NLRP2: variants seen among roughly 807,000 people sequenced by gnomAD.
The protein encoded by NLRP2 is NLR family pyrin domain containing 2.
NLRP2 carries 107 observed loss-of-function variants against 97.2 expected under a neutral mutation model. The ratio of observed to expected loss-of-function variants is 1.10; its 90% confidence interval spans 0.94 to 1.29. NLRP2 has a LOEUF of 1.29. NLRP2 is among the 50% of genes most tolerant of loss of function. NLRP2 has a pLI of 0.00. For missense variants in NLRP2, 1,495 were observed against 1,330.3 expected, an observed-to-expected ratio of 1.12 and a Z score of -1.93; for synonymous variants, 663 against 551.5, an observed-to-expected ratio of 1.20 and a Z score of -2.83.
intron 3 of NLRP2, among the ~76,000 whole-genome samples, chr19:54,974,869 G>A (rs564485711): frequency 5.0e-4 from 76 of 152,136 alleles, no homozygotes; most frequent in African/African-American, 1.8e-3. Flanking sequence ...GTACGACCTC[G>A]GCTGACTGCA....
chr19:54,989,722 G>A (rs890462939), intron 8 of NLRP2: 25 of 506,676 alleles, frequency 4.9e-5, no homozygotes, highest in Non-Finnish European at 7.9e-5. Flanking sequence ...GGTGGCTCAC[G>A]CCTGTCATCC....
chr19:54,975,633 T>C (rs1246092804), intron 3 of NLRP2, among the ~76,000 whole-genome samples: 1 of 151,366 alleles, frequency 6.6e-6, no homozygotes, highest in Admixed American at 6.6e-5. Context: ...TTTGTGTTTT[T>C]AGTAGAGACG....
chr19:54,974,337 A>T, intron 2 of NLRP2, 163 bp from the exon 3 acceptor site: 1 of 694,932 alleles, frequency 1.4e-6, no homozygotes, highest in Non-Finnish European at 2.6e-6. Flanking sequence ...CAACAGAGTG[A>T]CACTCTGTCT....
intron 12 of NLRP2, among the ~76,000 whole-genome samples, chr19:54,998,540 T>C (rs1218131506): frequency 5.3e-5 from 8 of 149,874 alleles, no homozygotes; most frequent in African/African-American, 2.0e-4. Flanking sequence ...AAGCTTTAAG[T>C]TTGTTTGTTT....
At chr19:54,981,767 C>T in intron 5 of NLRP2, 85 bp downstream of exon 5, 1 of 851,268 alleles carries the variant, frequency 1.2e-6, no homozygotes. Flanking sequence ...CTATGTAACA[C>T]AAAGCATTTA....
intron 8 of NLRP2, chr19:54,989,471 C>T (rs920922766): frequency 1.1e-5 from 2 of 173,948 alleles, no homozygotes; most frequent in African/African-American, 4.8e-5. Context: ...AAATAACTCC[C>T]TTTCAAAAAA....
chr19:54,977,792 A>C lies in NLRP2; in HGVS notation c.366A>C (p.Glu122Asp), dbSNP rs753829412. 5.0e-6 allele frequency: 8 copies of C among 1,613,728 alleles called. No homozygotes were observed. The Admixed American group carries it at 1.0e-4, about 20-fold the overall frequency. ...RKERPPLDVD[E>D]MLERFKTEAQ... ...AACGACCACCTCTAGACGTGGACGAAATGCTGGAGCGCTTCAAAACAGAAG... is the reference window on the plus strand; with the variant it reads ...AACGACCACCTCTAGACGTGGACGACATGCTGGAGCGCTTCAAAACAGAAG... The change falls in exon 4 of 13, where the codon GAA becomes GAC. Residue 122 changes from glutamate to aspartate, a missense_variant. Transcript: ENST00000448584.
chr19:54,973,724 C>A, intron 2 of NLRP2: 1 of 430,214 alleles, frequency 2.3e-6, no homozygotes. Flanking sequence ...TTGAAAACGG[C>A]AGGAGGAAAC....
Position 54,983,743 on chromosome 19 carries a change from A to G in NLRP2, c.2030+15A>G, listed in dbSNP as rs1435475770. 3.1e-6 allele frequency: 5 copies of G among 1,606,492 alleles called. No individual in the cohort carries two copies. In the South Asian group the frequency reaches 5.5e-5, roughly 18 times the overall value. On this transcript the variant is annotated intron_variant, in intron 6 of 12. Coordinates refer to ENST00000448584, the MANE Select transcript of NLRP2 (RefSeq NM_017852.5). Reference sequence around the variant, plus strand: ...GAGGTTGAGAGGTGAGAACCGTTTCACTCTACCAGTCGTTCCATCTTTAGC... The same window carrying G: ...GAGGTTGAGAGGTGAGAACCGTTTCGCTCTACCAGTCGTTCCATCTTTAGC...
intron 4 of NLRP2, among the ~76,000 whole-genome samples, chr19:54,979,797 G>C (rs1417620669): frequency 6.6e-6 from 1 of 151,758 alleles, no homozygotes; most frequent in East Asian, 1.9e-4. Context: ...TTTTTCTTGA[G>C]ATGGAGTCTC....
chr19:54,985,346 C>G (rs1427241998), intron 7 of NLRP2, 129 bp downstream of exon 7: 4 of 864,248 alleles, frequency 4.6e-6, no homozygotes, highest in Non-Finnish European at 7.5e-6. Context: ...TTGAGAGAGT[C>G]CTGTCCTTAA....
At chr19:54,972,246 A>G (rs1386299324) in intron 2 of NLRP2, among the ~76,000 whole-genome samples, 2 of 151,846 alleles carry the variant, frequency 1.3e-5, no homozygotes, top group African/African-American at 2.4e-5. Context: ...CAGCAGCACA[A>G]TCTCAGCTTA....
intron 7 of NLRP2, among the ~76,000 whole-genome samples, chr19:54,985,609 C>T (rs570597890): frequency 3.7e-5 from 5 of 134,880 alleles, no homozygotes; most frequent in South Asian, 2.5e-4. Flanking sequence ...ACCCAGGAGG[C>T]GGAGGTTGCA....
intron 1 of NLRP2, among the ~76,000 whole-genome samples, chr19:54,967,352 C>T (rs1245529482): frequency 6.6e-6 from 1 of 152,042 alleles, no homozygotes; most frequent in Admixed American, 6.6e-5. Context: ...CGTGGTAGCG[C>T]ATACTTGTAA....
At chr19:54,972,677 G>A (rs7245580) in intron 2 of NLRP2, among the ~76,000 whole-genome samples, 6,380 of 151,836 alleles carry the variant, frequency 0.042, 471 homozygotes, top group African/African-American at 0.14. Context: ...GGCTGGTCTC[G>A]AACTTCTGTG....
chr19:54,988,730 G>T (rs1029332336), intron 8 of NLRP2, among the ~76,000 whole-genome samples: 1 of 152,110 alleles, frequency 6.6e-6, no homozygotes. Flanking sequence ...ATGTTGTTCC[G>T]GCTGGTCTTA....
rs973691629 is a variant in NLRP2 at position 54,998,100 on chromosome 19, C to T, written c.3050+613C>T. ...GGGGTGCAGTGGTTGCTAACTGCAA[C>T]CTCCACCTCCCAGGTTCCAGCTATT... On this transcript the variant is annotated intron_variant, in intron 12 of 12. Transcript: ENST00000448584. Among the ~76,000 whole-genome samples, 18 of 150,270 alleles carry T rather than the reference C, an allele frequency of 1.2e-4. No homozygotes were observed. In the Admixed American group the frequency reaches 1.2e-3, roughly 10 times the overall value.
intron 3 of NLRP2, chr19:54,976,738 T>C (rs2071252467): frequency 2.4e-6 from 1 of 423,932 alleles, no homozygotes; most frequent in African/African-American, 2.1e-5. Context: ...TTTCAGGAGT[T>C]CCATGGACTC....
At position 54,982,904 on chromosome 19, in the gene NLRP2, G is replaced by T; in HGVS notation, c.1206G>T (p.Trp402Cys). The change falls in exon 6 of 13, where the codon TGG becomes TGT. Residue 402 changes from tryptophan (W) to cysteine (C), a missense_variant. Transcript: ENST00000448584. ...FQLGSAPAVC[W>C]IVCTTLKLQM... ...TGGGCTCGGCCCCCGCGGTGTGCTG[G>T]ATCGTGTGCACGACTCTGAAGCTGC... is the stretch of plus-strand genomic sequence containing the variant. 1 of 1,613,160 alleles carries T rather than the reference G, an allele frequency of 6.2e-7. No individual in the cohort carries two copies. Among genetic ancestry groups the T allele is most frequent in the South Asian group, 1.1e-5 (1 of 91,042 alleles).
Sources: allele counts gnomAD v4.1 joint callset (sites outside exome capture counted in the v4.1 genomes callset), GRCh38; gene constraint gnomAD v4.1.1; transcripts MANE v1.5; gene names NCBI Gene and HGNC (gene_info 2026-07-23, HGNC 2026-07-21).